Variants in MARK1 observed in about 807,000 individuals in gnomAD.
MARK1 encodes the protein serine/threonine-protein kinase MARK1.
Under a neutral mutation model 96.3 loss-of-function variants are expected in MARK1, and 40 were observed. The observed-to-expected ratio is 0.42, with a 90% confidence interval of 0.32 to 0.54. The LOEUF (loss-of-function observed/expected upper bound fraction) is 0.54, where lower values mean the gene tolerates loss of function less well. Among genes scored for constraint, MARK1 ranks in the 20% least tolerant of loss-of-function variants. The probability of loss-of-function intolerance (pLI) is 0.16; values close to 1 mark genes in which losing one functional copy is unlikely to be tolerated. For missense variants in MARK1, 719 were observed against 984.6 expected, an observed-to-expected ratio of 0.73 and a Z score of 3.61; for synonymous variants, 317 against 341.2, an observed-to-expected ratio of 0.93 and a Z score of 0.78.
intron 13 of MARK1, among the ~76,000 whole-genome samples, chr1:220,650,416 A>G (rs1463506665): frequency 6.6e-6 from 1 of 152,228 alleles, no homozygotes; most frequent in Non-Finnish European, 1.5e-5. Flanking sequence ...AGGATAAGCT[A>G]AAACTGTAAT....
intron 6 of MARK1, among the ~76,000 whole-genome samples, chr1:220,604,894 T>A (rs1030892787): frequency 6.6e-6 from 1 of 152,138 alleles, no homozygotes; most frequent in Non-Finnish European, 1.5e-5. Flanking sequence ...TTCATAAAAT[T>A]TACTAAAGTT....
At chr1:220,536,230 T>C (rs1660671578) in intron 1 of MARK1, among the ~76,000 whole-genome samples, 1 of 152,136 alleles carries the variant, frequency 6.6e-6, no homozygotes, top group African/African-American at 2.4e-5. Flanking sequence ...TGCTTCTTTC[T>C]GATTTGGATA....
intron 15 of MARK1, among the ~76,000 whole-genome samples, chr1:220,652,797 G>A (rs1286085393): frequency 6.6e-6 from 1 of 152,116 alleles, no homozygotes; most frequent in Non-Finnish European, 1.5e-5. Context: ...GTTCAACATT[G>A]CTAAGTGGTT....
chr1:220,597,544 G>A (rs1665458311), intron 3 of MARK1, among the ~76,000 whole-genome samples: 1 of 152,082 alleles, frequency 6.6e-6, no homozygotes, highest in African/African-American at 2.4e-5. Context: ...CTGCAGAAAT[G>A]TCACCTCTGA....
chr1:220,659,187 A>C (rs1004553901), intron 17 of MARK1, among the ~76,000 whole-genome samples: 1 of 152,000 alleles, frequency 6.6e-6, no homozygotes, highest in African/African-American at 2.4e-5. Flanking sequence ...GTTTGGTTCT[A>C]TTTTTGCTTT....
At chr1:220,648,715 G>A (rs1055917271) in intron 13 of MARK1, among the ~76,000 whole-genome samples, 1 of 152,178 alleles carries the variant, frequency 6.6e-6, no homozygotes, top group African/African-American at 2.4e-5. Context: ...TTATTCATAT[G>A]ACAGTTTGGC....
At chr1:220,632,174 G>GA (rs753044809) in intron 10 of MARK1, 27 bp from the exon 11 acceptor site, 1 of 1,178,590 alleles carries the variant, frequency 8.5e-7, no homozygotes, top group South Asian at 2.0e-5. Context: ...ACCATTTTCA[G>GA]AAAATTTCTC....
chr1:220,628,639 C>T (rs912615112), intron 9 of MARK1, among the ~76,000 whole-genome samples: 11 of 152,102 alleles, frequency 7.2e-5, no homozygotes, highest in African/African-American at 2.4e-4. Flanking sequence ...GTAATCTGAG[C>T]CCTCTTCTAT....
chr1:220,545,149 G>T (rs779189505), intron 1 of MARK1, among the ~76,000 whole-genome samples: 1 of 152,208 alleles, frequency 6.6e-6, no homozygotes, highest in Non-Finnish European at 1.5e-5. Context: ...TGAGTTGGTG[G>T]GAAGACGAGG....
intron 13 of MARK1, among the ~76,000 whole-genome samples, chr1:220,640,283 A>G (rs1668194651): frequency 6.6e-6 from 1 of 152,234 alleles, no homozygotes; most frequent in South Asian, 2.1e-4. Flanking sequence ...TTAACAGGTG[A>G]TAGTACATTT....
chr1:220,609,802 C>A (rs555645390), intron 6 of MARK1, among the ~76,000 whole-genome samples: 2 of 152,260 alleles, frequency 1.3e-5, no homozygotes, highest in African/African-American at 4.8e-5. Flanking sequence ...TTTATTTCTC[C>A]TTCACTTATG....
chr1:220,582,029 A>G (rs987154560), intron 3 of MARK1, among the ~76,000 whole-genome samples: 2 of 152,224 alleles, frequency 1.3e-5, no homozygotes, highest in African/African-American at 4.8e-5. Flanking sequence ...AAACAGAAAG[A>G]ATCTTATAAG....
intron 1 of MARK1, among the ~76,000 whole-genome samples, chr1:220,559,452 T>C (rs575421854): frequency 6.6e-6 from 1 of 152,334 alleles, no homozygotes; most frequent in South Asian, 2.1e-4. Context: ...AAAACTTCTT[T>C]TAAGAACTTT....
intron 9 of MARK1, among the ~76,000 whole-genome samples, chr1:220,624,598 C>CAA (rs36021632): frequency 4.3e-5 from 3 of 69,734 alleles, no homozygotes; most frequent in South Asian, 4.7e-4. Context: ...AACTCCGTCT[C>CAA]AAAAAAAAAA....
chr1:220,610,900 A>G (rs994258071), intron 6 of MARK1, among the ~76,000 whole-genome samples: 1 of 152,112 alleles, frequency 6.6e-6, no homozygotes, highest in African/African-American at 2.4e-5. Flanking sequence ...AGAACAGCAA[A>G]TATTACAGAA....
intron 3 of MARK1, among the ~76,000 whole-genome samples, chr1:220,587,353 GTCTC>G (rs969211004): frequency 4.2e-5 from 4 of 95,784 alleles, no homozygotes; most frequent in East Asian, 3.3e-4. Flanking sequence ...CTCTCTCTCT[GTCTC>G]TCTCTCTGTC....
intron 5 of MARK1, 138 bp from the exon 6 acceptor site, chr1:220,603,925 TGTTA>T (rs1184748457): frequency 1.4e-5 from 7 of 486,706 alleles, no homozygotes; most frequent in African/African-American, 1.4e-4. Flanking sequence ...TCTATTCATG[TGTTA>T]GTTTGTAACT....
chr1:220,635,055 A>G (rs189262537), intron 11 of MARK1, among the ~76,000 whole-genome samples: 225 of 152,334 alleles, frequency 1.5e-3, no homozygotes, highest in African/African-American at 4.7e-3. Flanking sequence ...AGTGACATAT[A>G]GAAAGAGCTT....
intron 1 of MARK1, among the ~76,000 whole-genome samples, chr1:220,566,260 C>T (rs1341575099): frequency 6.6e-6 from 1 of 152,114 alleles, no homozygotes; most frequent in African/African-American, 2.4e-5. Context: ...CCAATGTGTT[C>T]TGCTCGTAGT....
Sources: allele counts gnomAD v4.1 joint callset (sites outside exome capture counted in the v4.1 genomes callset), GRCh38; gene constraint gnomAD v4.1.1; transcripts MANE v1.5; gene names NCBI Gene and HGNC (gene_info 2026-07-23, HGNC 2026-07-21).